The following KIAA1549L variants were observed in gnomAD, a reference collection of about 807,000 sequenced individuals.
The protein encoded by KIAA1549L is KIAA1549 like, also known as UPF0606 protein KIAA1549L.
KIAA1549L carries 88 observed loss-of-function variants against 160.7 expected under a neutral mutation model. The observed-to-expected ratio is 0.55, with a 90% CI of 0.46 to 0.65. KIAA1549L has a LOEUF of 0.65. KIAA1549L is among the 30% of genes least tolerant of loss of function. The pLI is 0.00. For synonymous variants in KIAA1549L, 950 were observed against 976.7 expected (o/e 0.97, Z 0.51); for missense variants, 2,258 against 2,437.5 (o/e 0.93, Z 1.55).
chr11:33,570,842 A>C (rs1308003392), intron 9 of KIAA1549L, among the ~76,000 whole-genome samples: 2 of 152,204 alleles, frequency 1.3e-5, no homozygotes, highest in East Asian at 3.8e-4. Context: ...ACAAGATGCC[A>C]TTTTCACCTA....
Position 33,672,572 on chromosome 11 carries a change from G to A in KIAA1549L, c.*4418G>A, listed in dbSNP as rs1481533997. 6.5e-6 allele frequency: 1 copy of A among 153,810 alleles called. No homozygotes were observed. The highest frequency in any genetic ancestry group is 1.5e-5 in the Non-Finnish European group (1 of 68,128). The allele number at this position is 153,810 out of a possible 1,614,324, so 9.5% of individuals were successfully genotyped here. On this transcript the variant is annotated 3_prime_UTR_variant, in exon 21 of 21. Transcript: ENST00000658780. ...CTTCAAAAAGAACCTACTACACACT[G>A]GAACTGACTAGTACTCCTGGGATGC...
At chr11:33,406,468 A>C (rs1850655036) in intron 1 of KIAA1549L, among the ~76,000 whole-genome samples, 1 of 152,220 alleles carries the variant, frequency 6.6e-6, no homozygotes, top group Non-Finnish European at 1.5e-5. Flanking sequence ...TCTGTTTTCA[A>C]ATCATCTTTG....
At chr11:33,383,369 A>G (rs1451942925) in intron 1 of KIAA1549L, among the ~76,000 whole-genome samples, 3 of 151,978 alleles carry the variant, frequency 2.0e-5, no homozygotes, top group Admixed American at 2.0e-4. Context: ...GCTTGACAAC[A>G]TATTAGAGGG....
At chr11:33,508,412 G>C (rs895813199) in intron 1 of KIAA1549L, among the ~76,000 whole-genome samples, 30 of 152,166 alleles carry the variant, frequency 2.0e-4, no homozygotes, top group Non-Finnish European at 1.5e-5. Flanking sequence ...GCCTTAATGG[G>C]AGGAGAGGCA....
chr11:33,512,566 G>T lies in KIAA1549L; in HGVS notation c.239-29236G>T, dbSNP rs1276418637. Among the ~76,000 whole-genome samples, 3 of 152,048 alleles carry T rather than the reference G, an allele frequency of 2.0e-5. 1 individual carries two copies. Among genetic ancestry groups the T allele is most frequent in the African/African-American group, 7.2e-5 (3 of 41,392 alleles). ...GCCTCTGGAGTAGCTGGGACTACAG[G>T]TACCTGCTACCACCCCCAGATAACT... On this transcript the variant is annotated intron_variant, in intron 1 of 20. Coordinates refer to ENST00000658780, the MANE Select transcript of KIAA1549L (RefSeq NM_012194.3).
chr11:33,454,520 A>C (rs1851782708), intron 1 of KIAA1549L, among the ~76,000 whole-genome samples: 1 of 152,194 alleles, frequency 6.6e-6, no homozygotes, highest in Non-Finnish European at 1.5e-5. Flanking sequence ...GCTTCATTGC[A>C]TTAAGGGGCA....
intron 1 of KIAA1549L, among the ~76,000 whole-genome samples, chr11:33,491,382 T>A (rs923901799): frequency 6.6e-6 from 1 of 152,042 alleles, no homozygotes; most frequent in Admixed American, 6.6e-5. Context: ...ACATAGGAAA[T>A]TGTAGGGCTA....
intron 1 of KIAA1549L, among the ~76,000 whole-genome samples, chr11:33,387,006 CT>C (rs1358145161): frequency 6.6e-6 from 1 of 151,782 alleles, no homozygotes; most frequent in Non-Finnish European, 1.5e-5. Flanking sequence ...ACTTGGGAGG[CT>C]GAAGCATGAG....
At chr11:33,614,381 C>T (rs892339564) in intron 15 of KIAA1549L, among the ~76,000 whole-genome samples, 3 of 150,604 alleles carry the variant, frequency 2.0e-5, no homozygotes, top group African/African-American at 7.3e-5. Context: ...GAGTCACTGT[C>T]TGTCTGCCCT....
intron 1 of KIAA1549L, among the ~76,000 whole-genome samples, chr11:33,531,771 G>T (rs1853779416): frequency 6.6e-6 from 1 of 152,182 alleles, no homozygotes; most frequent in Admixed American, 6.5e-5. Context: ...GGCCGTGGAA[G>T]GGTTTGGCGC....
At chr11:33,496,410 A>C (rs12574139) in intron 1 of KIAA1549L, among the ~76,000 whole-genome samples, 1 of 152,224 alleles carries the variant, frequency 6.6e-6, no homozygotes, top group South Asian at 2.1e-4. Flanking sequence ...AGCAGCTGCT[A>C]TTCATACAGT....
At chr11:33,486,407 C>T (rs1045583201) in intron 1 of KIAA1549L, among the ~76,000 whole-genome samples, 2 of 152,100 alleles carry the variant, frequency 1.3e-5, no homozygotes, top group Admixed American at 6.6e-5. Flanking sequence ...CTTGGTTTTT[C>T]AATTGTTTCT....
chr11:33,502,780 C>CTG (rs1852982043), intron 1 of KIAA1549L, among the ~76,000 whole-genome samples: 1 of 152,318 alleles, frequency 6.6e-6, no homozygotes, highest in East Asian at 1.9e-4. Flanking sequence ...CACTTGTGAA[C>CTG]TGTGTGACCT....
At chr11:33,422,838 A>G (rs1054278574) in intron 1 of KIAA1549L, among the ~76,000 whole-genome samples, 3 of 152,128 alleles carry the variant, frequency 2.0e-5, no homozygotes, top group Non-Finnish European at 4.4e-5. Flanking sequence ...TAAGTGTTAA[A>G]AACTCAATGG....
At chr11:33,507,169 G>A (rs1295404236) in intron 1 of KIAA1549L, among the ~76,000 whole-genome samples, 1 of 152,178 alleles carries the variant, frequency 6.6e-6, no homozygotes, top group Non-Finnish European at 1.5e-5. Context: ...TTGCTGCTAA[G>A]GCAAGGCCGA....
chr11:33,597,176 A>G (rs1172587881), intron 12 of KIAA1549L, among the ~76,000 whole-genome samples: 1 of 152,190 alleles, frequency 6.6e-6, no homozygotes, highest in East Asian at 1.9e-4. Flanking sequence ...TGCATTAGGA[A>G]TCTCCAAAGA....
chr11:33,484,392 A>T (rs7951158), intron 1 of KIAA1549L, among the ~76,000 whole-genome samples: 6,888 of 152,196 alleles, frequency 0.045, 310 homozygotes, highest in South Asian at 0.11. Flanking sequence ...GCATTCTTCA[A>T]TTCTGTTGTG....
chr11:33,484,727 T>C (rs1317973173), intron 1 of KIAA1549L, among the ~76,000 whole-genome samples: 1 of 152,250 alleles, frequency 6.6e-6, no homozygotes, highest in Non-Finnish European at 1.5e-5. Context: ...TCCATGGTTG[T>C]GTATGTTCTC....
chr11:33,624,624 G>T (rs1474967354), intron 16 of KIAA1549L, among the ~76,000 whole-genome samples: 1 of 151,702 alleles, frequency 6.6e-6, no homozygotes, highest in Admixed American at 6.6e-5. Flanking sequence ...CATGTATTTT[G>T]TTTATATTGT....
Sources: gnomAD v4.1 joint callset for allele counts (sites outside exome capture counted in the v4.1 genomes callset) on GRCh38, gnomAD v4.1.1 for gene constraint, MANE v1.5 for transcripts, NCBI Gene and HGNC (gene_info 2026-07-23, HGNC 2026-07-21) for gene names.